Variants in JPH2 observed in about 807,000 individuals in gnomAD.
The protein encoded by JPH2 is junctophilin 2.
Under a neutral mutation model 55.9 loss-of-function variants are expected in JPH2, and 38 were observed. The ratio of observed to expected loss-of-function variants is 0.68; its 90% CI spans 0.52 to 0.89. The LOEUF (loss-of-function observed/expected upper bound fraction) is 0.89, where lower values mean the gene tolerates loss of function less well. Ranked by LOEUF, JPH2 falls within the 40% of genes least tolerant of loss-of-function variation. JPH2 has a pLI of 0.00. For synonymous variants in JPH2, 480 were observed against 472.4 expected (o/e 1.02, Z -0.21); for missense variants, 964 against 1,037.6 (o/e 0.93, Z 0.97).
At chr20:44,126,461 C>A in intron 2 of JPH2, among the ~76,000 whole-genome samples, 1 of 152,068 alleles carries the variant, frequency 6.6e-6, no homozygotes, top group Non-Finnish European at 1.5e-5. Flanking sequence ...GGGGATGCTT[C>A]CGATGTCACT....
At chr20:44,127,795 C>T (rs890761048) in intron 2 of JPH2, among the ~76,000 whole-genome samples, 3 of 152,022 alleles carry the variant, frequency 2.0e-5, no homozygotes, top group African/African-American at 2.4e-5. Flanking sequence ...GCCCATCCTT[C>T]GTTTTGATTG....
intron 1 of JPH2, among the ~76,000 whole-genome samples, chr20:44,179,629 C>T (rs1156558859): frequency 6.6e-6 from 1 of 152,118 alleles, no homozygotes; most frequent in Non-Finnish European, 1.5e-5. Context: ...GCTCTGTTGT[C>T]CCCATCTTAA....
chr20:44,150,026 C>T (rs1013266670), intron 2 of JPH2, among the ~76,000 whole-genome samples: 1 of 150,600 alleles, frequency 6.6e-6, no homozygotes, highest in Non-Finnish European at 1.5e-5. Context: ...CATTACATGC[C>T]CCCTGATGTG....
intron 1 of JPH2, chr20:44,177,341 G>A (rs1046592785): frequency 2.1e-5 from 21 of 986,846 alleles, no homozygotes; most frequent in South Asian, 4.7e-5. Flanking sequence ...GGCCTGCTCC[G>A]GGGAACAGCT....
intron 2 of JPH2, among the ~76,000 whole-genome samples, chr20:44,141,658 G>A (rs2072457417): frequency 6.6e-6 from 1 of 152,016 alleles, no homozygotes; most frequent in Admixed American, 6.6e-5. Flanking sequence ...ACCACGCCTA[G>A]CTAATATTTT....
At chr20:44,171,186 G>A (rs2072694955) in intron 1 of JPH2, among the ~76,000 whole-genome samples, 1 of 152,220 alleles carries the variant, frequency 6.6e-6, no homozygotes, top group Non-Finnish European at 1.5e-5. Flanking sequence ...AGCGGGGAGT[G>A]CTCTCAGGAA....
chr20:44,135,881 C>T (rs2072409227), intron 2 of JPH2, among the ~76,000 whole-genome samples: 1 of 152,144 alleles, frequency 6.6e-6, no homozygotes, highest in Non-Finnish European at 1.5e-5. Flanking sequence ...TCATTGTGAT[C>T]GTTACTCTGT....
intron 2 of JPH2, among the ~76,000 whole-genome samples, chr20:44,156,437 C>G (rs1304721433): frequency 6.6e-6 from 1 of 152,150 alleles, no homozygotes; most frequent in Non-Finnish European, 1.5e-5. Context: ...ATATGAGCAC[C>G]TGGTCATAAG....
chr20:44,153,159 G>A (rs2072543149), intron 2 of JPH2, among the ~76,000 whole-genome samples: 1 of 152,168 alleles, frequency 6.6e-6, no homozygotes, highest in Non-Finnish European at 1.5e-5. Context: ...GCCTTCCCTT[G>A]GGGCAATTTC....
In JPH2 at chr20:44,160,024, A is replaced by G. The variant is rs1416736490; in HGVS notation, c.763T>C (p.Ser255Pro). The G allele has an allele frequency of 1.3e-6, 2 of 1,565,212 alleles. No individual in the cohort carries two copies. Among genetic ancestry groups the G allele is most frequent in the South Asian group, 1.2e-5 (1 of 86,048 alleles). Residue 255 changes from serine to proline, a missense_variant, in exon 2 of 6, where the codon TCG becomes CCG. Transcript: ENST00000372980. This position sits in a 1 kb window ranked among gnomAD's most constrained non-coding sequence, Gnocchi z 4.9. ...GTGGACGCGGCGTCGCTGGCGCCCG[A>G]GCTGAGGTCGCTCTTAAGGAAGCTG... ...RVSFLKSDLS[S>P]GASDAASTAS... is the part of the protein sequence containing the mutation.
rs757075451 is a variant in JPH2, at chr20:44,181,522, C to T, written c.379+4805G>A. ...GAATTGACTTCACCATCCACTAATG[C>T]GTTGTCCTCTCCAGTTTGGAAGACT... is the stretch of plus-strand genomic sequence containing the variant. On this transcript the variant is annotated intron_variant, in intron 1 of 5. Transcript: ENST00000372980. Among the ~76,000 whole-genome samples, 34 of 152,220 alleles carry T rather than the reference C, an allele frequency of 2.2e-4. No individual in the cohort carries two copies. The highest frequency in any genetic ancestry group is 4.3e-4 in the Non-Finnish European group (29 of 68,044).
At chr20:44,144,249 T>C (rs2072478263) in intron 2 of JPH2, among the ~76,000 whole-genome samples, 1 of 152,036 alleles carries the variant, frequency 6.6e-6, no homozygotes, top group African/African-American at 2.4e-5. Flanking sequence ...AGAAGCGGCA[T>C]TTGGGGAAGG....
chr20:44,160,164 G>A lies in JPH2; in HGVS notation c.623C>T (p.Ala208Val). 3 of 1,424,672 alleles carry A rather than the reference G, an allele frequency of 2.1e-6. No homozygotes were observed. Among genetic ancestry groups the A allele is most frequent in the Non-Finnish European group, 2.7e-6 (3 of 1,099,274 alleles). 88.3% of individuals were successfully genotyped at this position (1,424,672 alleles called of 1,614,324 possible). ...CTTGGGCGCCCGCGCGGCCGCCTCG[G>A]CATTGGCCAGGAGGCTGAGCGCGAA... is the stretch of plus-strand genomic sequence containing the variant. ...GGFALSLLAN[A>V]EAAARAPKGG... The change falls in exon 2 of 6, where the codon GCC becomes GTC. Residue 208 changes from alanine (A) to valine (V), a missense_variant. By Grantham distance (64) the Ala-to-Val change is moderately conservative. Coordinates refer to ENST00000372980, the MANE Select transcript of JPH2 (RefSeq NM_020433.5). This position sits in a 1 kb window ranked among gnomAD's most constrained non-coding sequence, Gnocchi z 4.9.
chr20:44,117,033 C>T (rs2145839452), intron 3 of JPH2, among the ~76,000 whole-genome samples: 1 of 152,366 alleles, frequency 6.6e-6, no homozygotes, highest in South Asian at 2.1e-4. Flanking sequence ...GTAATCCCAG[C>T]ACTTTGGGAG....
chr20:44,170,671 C>T (rs2072690840), intron 1 of JPH2, among the ~76,000 whole-genome samples: 3 of 152,188 alleles, frequency 2.0e-5, no homozygotes, highest in South Asian at 4.1e-4. Context: ...ACTATGGACC[C>T]AGCATCCCAG....
chr20:44,158,715 A>C (rs1319552125), intron 2 of JPH2, among the ~76,000 whole-genome samples: 1 of 151,636 alleles, frequency 6.6e-6, no homozygotes, highest in African/African-American at 2.4e-5. Flanking sequence ...TAGGTGGGGG[A>C]GGTTGAATGA....
At chr20:44,165,232 C>T (rs1200202462) in intron 1 of JPH2, among the ~76,000 whole-genome samples, 2 of 151,670 alleles carry the variant, frequency 1.3e-5, no homozygotes, top group Non-Finnish European at 2.9e-5. Context: ...ATGGAAATTA[C>T]ACCTTGATAC....
rs3810510 is a variant in JPH2, at chr20:44,118,607, C to A, written c.1186G>T (p.Ala396Ser). Residue 396 changes from alanine (A) to serine (S), a missense_variant, in exon 3 of 6, where the codon GCC (alanine) becomes TCC (serine). Coordinates refer to ENST00000372980, the MANE Select transcript of JPH2 (RefSeq NM_020433.5). Reference sequence around the variant, plus strand: ...GCCTGTTCCGCTGCCTCAGCTTTGGCCTTGGCGTGGCTTGTCCTATGGAGA... The same window carrying A: ...GCCTGTTCCGCTGCCTCAGCTTTGGACTTGGCGTGGCTTGTCCTATGGAGA... ...IAASRTSHAK[A>S]KAEAAEQAAL... 1.9e-6 allele frequency: 3 copies of A among 1,610,662 alleles called. No individual in the cohort carries two copies. Among genetic ancestry groups the A allele is most frequent in the South Asian group, 1.1e-5 (1 of 91,084 alleles).
rs2072111597 is a variant in JPH2 at position 44,106,772 on chromosome 20, A to G, written c.*6746T>C. ...GATCTCATGAGACTTATTCACTACC[A>G]CGAGAACGGCACGGGAAAGGCTTGC... is the stretch of plus-strand genomic sequence containing the variant. On this transcript the variant is annotated 3_prime_UTR_variant, in exon 6 of 6. Transcript: ENST00000372980. Among the ~76,000 whole-genome samples, 1 of 152,018 alleles carries G rather than the reference A, an allele frequency of 6.6e-6. No homozygotes were observed.
Sources: gnomAD v4.1 joint callset for allele counts (sites outside exome capture counted in the v4.1 genomes callset) on GRCh38, gnomAD v4.1.1 for gene constraint, Gnocchi (gnomAD v3.1) non-coding constraint, MANE v1.5 for transcripts, NCBI Gene and HGNC (gene_info 2026-07-23, HGNC 2026-07-21) for gene names.